WT1: variants seen among roughly 807,000 people sequenced by gnomAD.
WT1 encodes WT1 transcription factor, also known as Wilms tumor protein.
Under a neutral mutation model 60.8 loss-of-function variants are expected in WT1, and 8 were observed. The ratio of observed to expected loss-of-function variants is 0.13; its 90% CI spans 0.08 to 0.24. The LOEUF (loss-of-function observed/expected upper bound fraction) is 0.24, where lower values mean the gene tolerates loss of function less well. Among genes scored for constraint, WT1 ranks in the 10% least tolerant of loss-of-function variants. WT1 has a pLI of 1.00. For missense variants in WT1, 568 were observed against 711.8 expected (o/e 0.80, Z 2.30); for synonymous variants, 312 against 297.1 (o/e 1.05, Z -0.52).
Position 32,427,937 on chromosome 11 carries a change from G to A in WT1, c.887+19C>T. Reference sequence around the variant, plus strand: ...CCGGGGTCCCAAGGACCCAGACGCAGAGCCCAGCGCCTTCCTACCTGCTGT... The same window carrying A: ...CCGGGGTCCCAAGGACCCAGACGCAAAGCCCAGCGCCTTCCTACCTGCTGT... On this transcript the variant is annotated intron_variant, in intron 3 of 9. Transcript: ENST00000452863. The A allele has an allele frequency of 6.3e-7, 1 of 1,599,674 alleles. No homozygotes were observed.
chr11:32,409,990 G>A (rs999782808), intron 5 of WT1, among the ~76,000 whole-genome samples: 4 of 151,998 alleles, frequency 2.6e-5, no homozygotes, highest in South Asian at 2.1e-4. Context: ...GCAGTGGCAC[G>A]ATCTCGGCTC....
chr11:32,404,140 C>T (rs1023930217), intron 5 of WT1, among the ~76,000 whole-genome samples: 30 of 151,606 alleles, frequency 2.0e-4, no homozygotes, highest in Admixed American at 1.2e-3. Flanking sequence ...CATGGTGGCA[C>T]GTGCCTCTAA....
At chr11:32,430,877 C>T in intron 1 of WT1, 3 of 1,185,612 alleles carry the variant, frequency 2.5e-6, no homozygotes, top group East Asian at 3.6e-5. Context: ...TTGATTAGAG[C>T]GCGCTGTCCC....
At chr11:32,399,911 C>A (rs756837300) in intron 6 of WT1, 37 bp downstream of exon 6, 2 of 1,600,554 alleles carry the variant, frequency 1.2e-6, no homozygotes, top group South Asian at 1.1e-5. Flanking sequence ...AGAGGCAGTG[C>A]GGCCCCCTTC....
At chr11:32,416,871 G>A (rs912923331) in intron 4 of WT1, among the ~76,000 whole-genome samples, 2 of 152,184 alleles carry the variant, frequency 1.3e-5, no homozygotes, top group African/African-American at 4.8e-5. Flanking sequence ...TCTCATGAGA[G>A]TGTTGGGAAG....
chr11:32,423,674 T>C (rs1399442887), intron 3 of WT1, among the ~76,000 whole-genome samples: 1 of 152,206 alleles, frequency 6.6e-6, no homozygotes, highest in Non-Finnish European at 1.5e-5. Context: ...CTTCCGTCCC[T>C]TAACTGTGTC....
chr11:32,430,314 G>A (rs1267182358), intron 1 of WT1, among the ~76,000 whole-genome samples: 1 of 152,054 alleles, frequency 6.6e-6, no homozygotes, highest in African/African-American at 2.4e-5. Flanking sequence ...GGCCTTCTTT[G>A]AGGCCTATAG....
intron 3 of WT1, among the ~76,000 whole-genome samples, chr11:32,421,972 A>G (rs1435829052): frequency 6.6e-6 from 1 of 152,370 alleles, no homozygotes; most frequent in East Asian, 1.9e-4. Flanking sequence ...AAAAAGGCTC[A>G]AAGTAGACAT....
At chr11:32,426,692 G>GAA (rs550584836) in intron 3 of WT1, among the ~76,000 whole-genome samples, 1 of 150,962 alleles carries the variant, frequency 6.6e-6, no homozygotes, top group African/African-American at 2.5e-5. Context: ...GGGAAAAAAA[G>GAA]GAAAAAAAAA....
chr11:32,406,888 C>A (rs939981894), intron 5 of WT1, among the ~76,000 whole-genome samples: 4 of 152,176 alleles, frequency 2.6e-5, no homozygotes, highest in Non-Finnish European at 5.9e-5. Context: ...CACCTGAGGT[C>A]AGGAGTTCGA....
chr11:32,389,054 C>A lies in WT1; in HGVS notation c.*4G>T, dbSNP rs750842875. 1 of 1,614,216 alleles carries A rather than the reference C, an allele frequency of 6.2e-7. No individual in the cohort carries two copies. Among genetic ancestry groups the A allele is most frequent in the South Asian group, 1.1e-5 (1 of 91,084 alleles). On this transcript the variant is annotated 3_prime_UTR_variant, in exon 10 of 10. Coordinates refer to ENST00000452863, the MANE Select transcript of WT1 (RefSeq NM_024426.6). ...GACACTGAACGGTCCCCGAGGGAGA[C>A]CCCTCAAAGCGCCAGCTGGAGTTTG... is the stretch of plus-strand genomic sequence containing the variant.
intron 3 of WT1, 79 bp from the exon 4 acceptor site, chr11:32,417,733 T>C: frequency 2.3e-6 from 3 of 1,281,522 alleles, no homozygotes; most frequent in South Asian, 1.2e-5. Context: ...CAATGGAGTT[T>C]TAACTTTTCT....
chr11:32,413,702 A>G (rs1462217039), intron 5 of WT1, among the ~76,000 whole-genome samples: 1 of 152,242 alleles, frequency 6.6e-6, no homozygotes, highest in Admixed American at 6.5e-5. Context: ...GCATGTCATA[A>G]GAGTATTGCT....
intron 5 of WT1, among the ~76,000 whole-genome samples, chr11:32,405,510 T>A (rs112103609): frequency 0.045 from 6,710 of 148,802 alleles, 207 homozygotes; most frequent in Non-Finnish European, 0.073. Context: ...CATAAATGTA[T>A]AATAAAATAT....
intron 5 of WT1, among the ~76,000 whole-genome samples, chr11:32,413,161 A>T (rs867220694): frequency 1.3e-5 from 2 of 152,232 alleles, no homozygotes; most frequent in Admixed American, 6.5e-5. Flanking sequence ...TTTTAATAAA[A>T]AATTGATAAT....
At chr11:32,403,456 A>G (rs559389088) in intron 5 of WT1, among the ~76,000 whole-genome samples, 2 of 152,200 alleles carry the variant, frequency 1.3e-5, no homozygotes, top group Non-Finnish European at 2.9e-5. Context: ...ACAGTTGATC[A>G]ACATGACTGG....
chr11:32,430,445 A>AGGGG, intron 1 of WT1: 1 of 1,350,166 alleles, frequency 7.4e-7, no homozygotes, highest in Non-Finnish European at 1.0e-6. Context: ...AGAGAGAGAG[A>AGGGG]GAGAGGGAGG....
At position 32,435,489 on chromosome 11, in the gene WT1, G is replaced by A; in HGVS notation, c.-129C>T. The A allele has an allele frequency of 1.4e-6, 2 of 1,411,090 alleles. No homozygotes were observed. The highest frequency in any genetic ancestry group is 1.4e-5 in the African/African-American group (1 of 70,812). The allele number at this position is 1,411,090 out of a possible 1,614,324, so 87.4% of individuals were successfully genotyped here. On this transcript the variant is annotated 5_prime_UTR_variant, in exon 1 of 10. Transcript: ENST00000452863. ...GGGAGCGGACAGGCGGTCGGGTTGC[G>A]GAGAGCCCCCGGGTGTGGGCGCTGC...
chr11:32,424,140 A>C (rs1852944207), intron 3 of WT1, among the ~76,000 whole-genome samples: 1 of 147,572 alleles, frequency 6.8e-6, no homozygotes, highest in Admixed American at 6.8e-5. Context: ...CCAGCCTTGC[A>C]ACAGAGCGAG....
Sources: allele counts gnomAD v4.1 joint callset (sites outside exome capture counted in the v4.1 genomes callset), GRCh38; gene constraint gnomAD v4.1.1; transcripts MANE v1.5; gene names NCBI Gene and HGNC (gene_info 2026-07-23, HGNC 2026-07-21).